The following SATB2 variants were observed in gnomAD, a reference collection of about 807,000 sequenced individuals.
SATB2 encodes DNA-binding protein SATB2.
SATB2 carries 1 observed loss-of-function variant against 73.4 expected under a neutral mutation model. The observed-to-expected ratio is 0.01, with a 90% confidence interval of 0.00 to 0.06. The LOEUF (loss-of-function observed/expected upper bound fraction) is 0.06, where lower values mean the gene tolerates loss of function less well. SATB2 is among the 10% of genes least tolerant of loss of function. The pLI, the probability that SATB2 is intolerant of heterozygous loss-of-function variation, is 1.00. For synonymous variants in SATB2, 397 were observed against 367.0 expected (o/e 1.08, Z -0.93); for missense variants, 459 against 945.8 (o/e 0.49, Z 6.75).
At chr2:199,408,325 T>G (rs1336011598) in intron 3 of SATB2, among the ~76,000 whole-genome samples, 1 of 152,162 alleles carries the variant, frequency 6.6e-6, no homozygotes, top group Non-Finnish European at 1.5e-5. Flanking sequence ...AAATTATATA[T>G]GTATACACAT....
chr2:199,354,256 T>C (rs1688907693), intron 6 of SATB2, among the ~76,000 whole-genome samples: 1 of 152,264 alleles, frequency 6.6e-6, no homozygotes, highest in South Asian at 2.1e-4. Context: ...CTTAGGAGGC[T>C]GAGGCAGGAG....
intron 6 of SATB2, among the ~76,000 whole-genome samples, chr2:199,354,146 T>C (rs748782413): frequency 6.6e-6 from 1 of 152,090 alleles, no homozygotes; most frequent in Non-Finnish European, 1.5e-5. Flanking sequence ...TCACTTGAGA[T>C]CAGGAGTTCG....
chr2:199,328,093 T>C (rs987556172), intron 8 of SATB2, among the ~76,000 whole-genome samples: 2 of 152,088 alleles, frequency 1.3e-5, no homozygotes, highest in African/African-American at 4.8e-5. Context: ...TGTATAAACA[T>C]CCTAGAGCCC....
At chr2:199,384,867 C>G (rs949296977) in intron 3 of SATB2, among the ~76,000 whole-genome samples, 1 of 152,098 alleles carries the variant, frequency 6.6e-6, no homozygotes, top group Non-Finnish European at 1.5e-5. Context: ...TTTAGTCATT[C>G]TTTTGACCTT....
intron 6 of SATB2, among the ~76,000 whole-genome samples, chr2:199,361,737 C>G (rs1444490507): frequency 1.3e-5 from 2 of 151,742 alleles, no homozygotes; most frequent in Admixed American, 1.3e-4. Flanking sequence ...TATGATCGCC[C>G]AGCCAGGTCC....
In SATB2 at chr2:199,429,605, G is replaced by A. The variant is rs563759626; in HGVS notation, c.346+3733C>T. 1.2e-4 allele frequency among the ~76,000 whole-genome samples: 18 copies of A among 152,256 alleles called. 1 individual carries two copies. Among genetic ancestry groups the A allele is most frequent in the African/African-American group, 2.9e-4 (12 of 41,558 alleles). On this transcript the variant is annotated intron_variant, in intron 3 of 10. Coordinates refer to ENST00000417098, the MANE Select transcript of SATB2 (RefSeq NM_001172509.2). ...GGATTTTTGCTTATTTGCTAAGCAC[G>A]TTTGTTTTAAAATAAAATTGTCGGC...
intron 8 of SATB2, chr2:199,325,854 A>C (rs1688014556): frequency 6.6e-6 from 1 of 152,210 alleles, no homozygotes; most frequent in Non-Finnish European, 1.5e-5. Flanking sequence ...ATACACAGTA[A>C]GCGTTTTAAC....
chr2:199,309,086 T>G (rs1176099343), intron 9 of SATB2, 129 bp from the exon 10 acceptor site: 3 of 812,564 alleles, frequency 3.7e-6, no homozygotes, highest in South Asian at 1.5e-5. Flanking sequence ...CGTGGGGAGA[T>G]AGTGAAACAG....
At chr2:199,373,643 A>G (rs1399559413) in intron 5 of SATB2, among the ~76,000 whole-genome samples, 1 of 152,132 alleles carries the variant, frequency 6.6e-6, no homozygotes, top group Non-Finnish European at 1.5e-5. Flanking sequence ...CTGTGAGATG[A>G]TTTGTGTAAA....
At chr2:199,299,852 T>C (rs1203585621) in intron 10 of SATB2, among the ~76,000 whole-genome samples, 2 of 152,142 alleles carry the variant, frequency 1.3e-5, no homozygotes, top group Non-Finnish European at 2.9e-5. Flanking sequence ...TATACAAGTA[T>C]AAAGGAATGT....
intron 10 of SATB2, among the ~76,000 whole-genome samples, chr2:199,291,206 AT>A (rs1202475217): frequency 6.6e-6 from 1 of 152,130 alleles, no homozygotes; most frequent in Non-Finnish European, 1.5e-5. Context: ...CAATGTATAT[AT>A]TTTTTTGCCC....
intron 5 of SATB2, among the ~76,000 whole-genome samples, chr2:199,379,840 T>A (rs6738136): frequency 0.94 from 142,795 of 151,292 alleles, 67,952 homozygotes; most frequent in East Asian, 1. Flanking sequence ...TATACGTAAA[T>A]TGTTTTAATA....
chr2:199,318,603 G>C (rs1687799737), intron 9 of SATB2, among the ~76,000 whole-genome samples: 1 of 151,752 alleles, frequency 6.6e-6, no homozygotes, highest in African/African-American at 2.4e-5. Context: ...ACTATGTCTG[G>C]GTCATGAAAT....
intron 10 of SATB2, among the ~76,000 whole-genome samples, chr2:199,282,007 G>A (rs372857397): frequency 9.9e-5 from 15 of 151,368 alleles, no homozygotes; most frequent in East Asian, 3.9e-4. Context: ...TCAGCCTCCC[G>A]AGTAGCTGGG....
At chr2:199,465,414 T>C (rs1692574800), upstream of SATB2, among the ~76,000 whole-genome samples, 1 of 152,256 alleles carries the variant, frequency 6.6e-6, no homozygotes, top group Non-Finnish European at 1.5e-5. Context: ...ATAGTTTGCA[T>C]TTTAATTAAC....
chr2:199,439,155 C>T (rs551296109), intron 2 of SATB2, among the ~76,000 whole-genome samples: 3 of 152,378 alleles, frequency 2.0e-5, no homozygotes, highest in South Asian at 2.1e-4. Flanking sequence ...CCTGCCCTTC[C>T]GTTATTCACA....
upstream of SATB2, among the ~76,000 whole-genome samples, chr2:199,466,387 C>T (rs1204476161): frequency 3.3e-5 from 5 of 152,146 alleles, no homozygotes; most frequent in East Asian, 5.8e-4. Flanking sequence ...CATCTGCTCC[C>T]GCTGGACTCC....
intron 10 of SATB2, among the ~76,000 whole-genome samples, chr2:199,275,714 C>T (rs1035484815): frequency 1.3e-5 from 2 of 152,088 alleles, no homozygotes; most frequent in Admixed American, 1.3e-4. Flanking sequence ...TCTGGTCAGA[C>T]AATGTACCAT....
chr2:199,282,841 T>C (rs1406535118), intron 10 of SATB2, among the ~76,000 whole-genome samples: 1 of 152,178 alleles, frequency 6.6e-6, no homozygotes, highest in African/African-American at 2.4e-5. Flanking sequence ...AAATACTACA[T>C]ACATCTTTGT....
Sources: allele counts gnomAD v4.1 joint callset (sites outside exome capture counted in the v4.1 genomes callset), GRCh38; gene constraint gnomAD v4.1.1; transcripts MANE v1.5; gene names NCBI Gene and HGNC (gene_info 2026-07-23, HGNC 2026-07-21).